ZCWPW2: variants seen among roughly 807,000 people sequenced by gnomAD.
ZCWPW2 encodes the protein zinc finger CW-type PWWP domain protein 2.
ZCWPW2 carries 45 observed loss-of-function variants against 46.6 expected under a neutral mutation model. That is an observed-to-expected ratio of 0.96 (90% CI 0.76 to 1.24). The LOEUF is 1.24. ZCWPW2 is among the 50% of genes most tolerant of loss of function. ZCWPW2 has a pLI of 0.00. For synonymous variants in ZCWPW2, 152 were observed against 137.1 expected (o/e 1.11, Z -0.76); for missense variants, 429 against 403.9 (o/e 1.06, Z -0.53).
chr3:28,374,779 C>T (rs1705449188), intron 1 of ZCWPW2, among the ~76,000 whole-genome samples: 1 of 151,922 alleles, frequency 6.6e-6, no homozygotes, highest in Non-Finnish European at 1.5e-5. Context: ...TCAGATTGTT[C>T]ACCGTTGGCA....
chr3:28,363,579 G>A (rs1183316489), intron 1 of ZCWPW2, among the ~76,000 whole-genome samples: 2 of 152,038 alleles, frequency 1.3e-5, no homozygotes, highest in African/African-American at 4.8e-5. Context: ...ACTGGCCTTG[G>A]AATGTACTTT....
intron 4 of ZCWPW2, among the ~76,000 whole-genome samples, chr3:28,472,176 T>C (rs545513840): frequency 1.3e-5 from 2 of 152,134 alleles, no homozygotes; most frequent in East Asian, 3.9e-4. Flanking sequence ...TTCAATGCAA[T>C]CCCTATGAAA....
intron 1 of ZCWPW2, among the ~76,000 whole-genome samples, chr3:28,356,360 G>T (rs920233601): frequency 2.0e-5 from 3 of 152,198 alleles, no homozygotes; most frequent in Admixed American, 6.5e-5. Context: ...AACAGCAGGT[G>T]CTGGAGAGGA....
At chr3:28,465,317 A>G (rs924336800) in intron 4 of ZCWPW2, among the ~76,000 whole-genome samples, 6 of 152,194 alleles carry the variant, frequency 3.9e-5, no homozygotes, top group African/African-American at 1.2e-4. Flanking sequence ...GAATGAATCT[A>G]TTATATTTAG....
chr3:28,461,665 T>C (rs1559514030), intron 4 of ZCWPW2: 1 of 152,182 alleles, frequency 6.6e-6, no homozygotes, highest in Non-Finnish European at 1.5e-5. Flanking sequence ...AAATATTTAC[T>C]CAACTCCTAT....
At chr3:28,407,001 A>G (rs1243532882) in intron 2 of ZCWPW2, among the ~76,000 whole-genome samples, 1 of 151,762 alleles carries the variant, frequency 6.6e-6, no homozygotes, top group East Asian at 1.9e-4. Flanking sequence ...TAATTTAATT[A>G]TTTTTGGTAG....
chr3:28,353,906 A>C (rs544837884), intron 1 of ZCWPW2, among the ~76,000 whole-genome samples: 2 of 152,320 alleles, frequency 1.3e-5, no homozygotes, highest in South Asian at 4.1e-4. Flanking sequence ...TATACTTCTT[A>C]TTAAATGAAG....
At chr3:28,476,728 A>G (rs1373296561) in intron 4 of ZCWPW2, among the ~76,000 whole-genome samples, 5 of 152,202 alleles carry the variant, frequency 3.3e-5, no homozygotes, top group Non-Finnish European at 5.9e-5. Context: ...ATAACTCACC[A>G]TAATGTAGAA....
intron 8 of ZCWPW2, 41 bp downstream of exon 8, chr3:28,515,662 A>G (rs1279558429): frequency 5.2e-6 from 8 of 1,537,426 alleles, no homozygotes; most frequent in Non-Finnish European, 3.5e-6. Flanking sequence ...TTTAACCTAT[A>G]TATAATTCCA....
intron 1 of ZCWPW2, among the ~76,000 whole-genome samples, chr3:28,349,765 G>A (rs1202470734): frequency 6.6e-6 from 1 of 152,056 alleles, no homozygotes; most frequent in Non-Finnish European, 1.5e-5. Context: ...AAAATTTAAC[G>A]TCACTAACCG....
intron 1 of ZCWPW2, among the ~76,000 whole-genome samples, chr3:28,374,114 A>G (rs190902458): frequency 6.6e-6 from 1 of 152,228 alleles, no homozygotes; most frequent in East Asian, 1.9e-4. Flanking sequence ...TAGTAGTTTC[A>G]TGGTTTCACA....
At chr3:28,405,253 T>C (rs538068072) in intron 2 of ZCWPW2, among the ~76,000 whole-genome samples, 1 of 152,224 alleles carries the variant, frequency 6.6e-6, no homozygotes, top group South Asian at 2.1e-4. Context: ...TATTTTGAAA[T>C]CCTAACCTCC....
chr3:28,514,323 C>T (rs1324762415), intron 7 of ZCWPW2, among the ~76,000 whole-genome samples: 2 of 151,838 alleles, frequency 1.3e-5, no homozygotes, highest in Non-Finnish European at 2.9e-5. Context: ...CTATATTATC[C>T]ACTCCCCCTT....
chr3:28,380,918 AATATATATATATTTGGTATATAT>A (rs1695025560), intron 1 of ZCWPW2, among the ~76,000 whole-genome samples: 3 of 113,036 alleles, frequency 2.7e-5, no homozygotes, highest in South Asian at 6.4e-4. Flanking sequence ...AACTTTACCA[AATATATATATATTTGGTATATAT>A]ATATATATAT....
intron 1 of ZCWPW2, among the ~76,000 whole-genome samples, chr3:28,378,606 G>T (rs368033546): frequency 5.5e-4 from 83 of 152,136 alleles, no homozygotes; most frequent in African/African-American, 1.9e-3. Context: ...AATCTTGTAG[G>T]AAACGAAGTG....
At chr3:28,455,544 T>C (rs1410247135) in intron 4 of ZCWPW2, among the ~76,000 whole-genome samples, 1 of 152,212 alleles carries the variant, frequency 6.6e-6, no homozygotes, top group Non-Finnish European at 1.5e-5. Context: ...ACTTTTGTCA[T>C]GAAATCTTTG....
rs1480107556 is a variant in ZCWPW2 at position 28,435,208 on chromosome 3, A to G, written c.431A>G (p.Asp144Gly). Residue 144 changes from aspartate to glycine, a missense_variant, in exon 4 of 10, where the codon GAT (aspartate) becomes GGT (glycine). Asp to Gly is a moderately conservative substitution (Grantham distance 94). Coordinates refer to ENST00000383768, the MANE Select transcript of ZCWPW2 (RefSeq NM_001040432.4). ...VEEYHIEFLGDPHSRSWIKAT... is the reference protein window; with the variant it reads ...VEEYHIEFLGGPHSRSWIKAT... ...GAGTATCACATAGAATTCCTGGGCG[A>G]TCCCCATTCAAGATCATGGATAAAG... 2 of 1,613,540 alleles carry G rather than the reference A, an allele frequency of 1.2e-6. No individual in the cohort carries two copies. The highest frequency in any genetic ancestry group is 4.5e-5 in the East Asian group (2 of 44,802).
intron 2 of ZCWPW2, among the ~76,000 whole-genome samples, chr3:28,412,600 G>C (rs192239948): frequency 5.9e-5 from 9 of 151,976 alleles, no homozygotes; most frequent in Non-Finnish European, 7.4e-5. Flanking sequence ...ACATTTCTTA[G>C]CTTCAGTTTT....
intron 4 of ZCWPW2, among the ~76,000 whole-genome samples, chr3:28,439,392 G>T (rs1222661959): frequency 1.3e-5 from 2 of 152,004 alleles, no homozygotes; most frequent in African/African-American, 2.4e-5. Context: ...TATACTTGCT[G>T]GCATCTGATT....
Sources: allele counts gnomAD v4.1 joint callset (sites outside exome capture counted in the v4.1 genomes callset), GRCh38; gene constraint gnomAD v4.1.1; transcripts MANE v1.5; gene names NCBI Gene and HGNC (gene_info 2026-07-23, HGNC 2026-07-21).